Variants in PHF24 observed in about 807,000 individuals in gnomAD.
The protein encoded by PHF24 is Galpha inhibitory interacting protein.
In PHF24, 25 loss-of-function variants were observed where a neutral mutation model predicts 42.6. The observed-to-expected ratio is 0.59, with a 90% CI of 0.43 to 0.82. PHF24 has a LOEUF of 0.82. PHF24 is among the 40% of genes least tolerant of loss of function. The probability of loss-of-function intolerance (pLI) is 0.00; values close to 1 mark genes in which losing one functional copy is unlikely to be tolerated. For missense variants in PHF24, 470 were observed against 538.1 expected, an observed-to-expected ratio of 0.87 and a Z score of 1.25; for synonymous variants, 185 against 204.8, an observed-to-expected ratio of 0.90 and a Z score of 0.83.
the PHF24 span, among the ~76,000 whole-genome samples, chr9:34,831,619 A>G: frequency 6.6e-6 from 1 of 152,066 alleles, no homozygotes; most frequent in Non-Finnish European, 1.5e-5. Flanking sequence ...GCACCAAGCA[A>G]ACTGTCTTTT....
At chr9:34,846,258 C>T in the PHF24 span, among the ~76,000 whole-genome samples, 1 of 152,186 alleles carries the variant, frequency 6.6e-6, no homozygotes, top group South Asian at 2.1e-4. Context: ...CTCTCCAGCA[C>T]CTGTTTTTCC....
chr9:34,908,226 T>C, the PHF24 span, among the ~76,000 whole-genome samples: 2 of 152,194 alleles, frequency 1.3e-5, no homozygotes, highest in Non-Finnish European at 2.9e-5. Flanking sequence ...TGTTTTGTAA[T>C]TGAGGAAGGG....
the PHF24 span, chr9:34,833,001 G>A: frequency 3.2e-6 from 5 of 1,551,628 alleles, no homozygotes; most frequent in Admixed American, 2.0e-5. Flanking sequence ...TGAAAGCTAC[G>A]GCTCCATCGC....
the PHF24 span, among the ~76,000 whole-genome samples, chr9:34,759,320 T>C: frequency 1.3e-5 from 2 of 152,142 alleles, no homozygotes; most frequent in African/African-American, 4.8e-5. Flanking sequence ...AATCACATCC[T>C]CCCTGAGGCA....
chr9:34,976,186 T>C (rs763110323), exon 4 of PHF24: 5 of 1,614,034 alleles, frequency 3.1e-6, no homozygotes, highest in Non-Finnish European at 3.4e-6. Context: ...GAGGAGGAAA[T>C]GTATAGCCTC....
chr9:34,771,250 A>G, the PHF24 span, among the ~76,000 whole-genome samples: 3 of 152,350 alleles, frequency 2.0e-5, no homozygotes. Context: ...ACACAAACCT[A>G]GATGGTATAG....
At chr9:34,848,316 G>A in the PHF24 span, among the ~76,000 whole-genome samples, 60 of 151,730 alleles carry the variant, frequency 4.0e-4, no homozygotes, top group South Asian at 0.012. Context: ...ACTTCTTCCT[G>A]GTTTAGTCTT....
chr9:34,722,459 A>G, the PHF24 span, among the ~76,000 whole-genome samples: 15 of 152,246 alleles, frequency 9.9e-5, no homozygotes, highest in Middle Eastern at 3.4e-3. Flanking sequence ...ATGGTTTGAG[A>G]TGAATATTGG....
the PHF24 span, among the ~76,000 whole-genome samples, chr9:34,940,830 G>T: frequency 2.6e-5 from 4 of 152,196 alleles, no homozygotes; most frequent in African/African-American, 9.7e-5. Flanking sequence ...TTCCCACTGT[G>T]TAAAAGCAGC....
intron 1 of PHF24, 138 bp from the exon 2 acceptor site, chr9:34,971,157 C>T: frequency 4.2e-6 from 3 of 709,086 alleles, no homozygotes; most frequent in East Asian, 2.8e-5. Context: ...TGATCCTTAA[C>T]ATGTGCTGTC....
At chr9:34,931,259 C>T in the PHF24 span, among the ~76,000 whole-genome samples, 1,245 of 151,370 alleles carry the variant, frequency 8.2e-3, 11 homozygotes, top group African/African-American at 0.028. Context: ...TCCTGTAGTC[C>T]CAGCTACTCG....
At chr9:34,896,381 T>TAAAG in the PHF24 span, among the ~76,000 whole-genome samples, 1 of 152,290 alleles carries the variant, frequency 6.6e-6, no homozygotes, top group East Asian at 1.9e-4. Context: ...TTCTGAGAGT[T>TAAAG]AAAGAAGGAC....
At chr9:34,757,218 T>C in the PHF24 span, among the ~76,000 whole-genome samples, 1 of 152,126 alleles carries the variant, frequency 6.6e-6, no homozygotes, top group Non-Finnish European at 1.5e-5. Context: ...GTGTTTTTCA[T>C]AGATTTCTTT....
chr9:34,855,049 G>T, the PHF24 span, among the ~76,000 whole-genome samples: 2 of 152,000 alleles, frequency 1.3e-5, no homozygotes, highest in Non-Finnish European at 2.9e-5. Flanking sequence ...TGGCTTTTTT[G>T]ATCTTTGTTG....
the PHF24 span, among the ~76,000 whole-genome samples, chr9:34,852,070 C>T: frequency 6.6e-6 from 1 of 152,112 alleles, no homozygotes; most frequent in South Asian, 2.1e-4. Flanking sequence ...CCTCTTTATT[C>T]TCCTCTTCCT....
At chr9:34,716,612 A>T in the PHF24 span, among the ~76,000 whole-genome samples, 16 of 139,966 alleles carry the variant, frequency 1.1e-4, no homozygotes, top group Middle Eastern at 7.1e-3. Context: ...TTGTTGAGAC[A>T]GGGTCTCACT....
At chr9:34,796,022 G>T in the PHF24 span, among the ~76,000 whole-genome samples, 1 of 151,488 alleles carries the variant, frequency 6.6e-6, no homozygotes, top group Admixed American at 6.6e-5. Flanking sequence ...GAGAGAGAAA[G>T]AAAGAATGGA....
At chr9:34,977,441 G>A (rs1827235819) in intron 6 of PHF24, 105 bp from the exon 7 acceptor site, 2 of 1,308,618 alleles carry the variant, frequency 1.5e-6, no homozygotes, top group Admixed American at 4.0e-5. Flanking sequence ...CCACATGTCA[G>A]AAGAGCCTGG....
At chr9:34,777,777 A>T in the PHF24 span, among the ~76,000 whole-genome samples, 1 of 152,208 alleles carries the variant, frequency 6.6e-6, no homozygotes, top group East Asian at 1.9e-4. Context: ...GCTCCAGGAC[A>T]GTGTACTGTC....
Sources: allele counts gnomAD v4.1 joint callset (sites outside exome capture counted in the v4.1 genomes callset), GRCh38; gene constraint gnomAD v4.1.1; transcripts MANE v1.5; gene names NCBI Gene and HGNC (gene_info 2026-07-23, HGNC 2026-07-21).